GMPS: variants seen among roughly 807,000 people sequenced by gnomAD.
GMPS encodes the protein GMP synthase [glutamine-hydrolyzing].
Under a neutral mutation model 77.9 loss-of-function variants are expected in GMPS, and 15 were observed. The ratio of observed to expected loss-of-function variants is 0.19; its 90% CI spans 0.13 to 0.30. The LOEUF is 0.30. Ranked by LOEUF, GMPS falls within the 10% of genes least tolerant of loss-of-function variation. GMPS has a pLI of 1.00. For synonymous variants in GMPS, 224 were observed against 275.9 expected, an observed-to-expected ratio of 0.81 and a Z score of 1.86; for missense variants, 590 against 838.8, an observed-to-expected ratio of 0.70 and a Z score of 3.66.
At chr3:155,899,612 T>C (rs1029191236) in intron 3 of GMPS, among the ~76,000 whole-genome samples, 1 of 152,204 alleles carries the variant, frequency 6.6e-6, no homozygotes. Context: ...CAACACATCA[T>C]TATTCCCAAA....
rs962235416 is a variant in GMPS, at chr3:155,939,734, G to A, written c.*2042G>A. On this transcript the variant is annotated 3_prime_UTR_variant, in exon 16 of 16. Transcript: ENST00000496455. ...CCAAAGCACATCTTGACATGACATAGTTTCTTAAAAATCCAAATTTTCTGG... is the reference window on the plus strand; with the variant it reads ...CCAAAGCACATCTTGACATGACATAATTTCTTAAAAATCCAAATTTTCTGG... The A allele has an allele frequency of 1.5e-5, 3 of 194,364 alleles. No individual in the cohort carries two copies. Among genetic ancestry groups the A allele is most frequent in the Non-Finnish European group, 3.2e-5 (3 of 93,392 alleles). The allele number at this position is 194,364 out of a possible 1,614,324, so 12.0% of individuals were successfully genotyped here. A position where few individuals can be genotyped will look rare whatever the true frequency, so the allele number is the denominator to read the frequency against.
intron 12 of GMPS, among the ~76,000 whole-genome samples, chr3:155,930,051 A>G (rs1365323818): frequency 2.0e-5 from 3 of 148,048 alleles, no homozygotes; most frequent in Non-Finnish European, 3.0e-5. Flanking sequence ...CGCATCGCCA[A>G]GTCAATCCTA....
Position 155,936,327 on chromosome 3 carries a change from C to T in GMPS, c.1808-11C>T. 3 of 1,584,472 alleles carry T rather than the reference C, an allele frequency of 1.9e-6. No individual in the cohort carries two copies. The highest frequency in any genetic ancestry group is 1.1e-5 in the South Asian group (1 of 90,476). On this transcript the variant is annotated splice_polypyrimidine_tract_variant and intron_variant, in intron 14 of 15. Coordinates refer to ENST00000496455, the MANE Select transcript of GMPS (RefSeq NM_003875.3). ...GGTGTGGTGATTGGTTCTACATATA[C>T]CTTTCTCTAGGGTATGCTGGGAAAA...
In GMPS at chr3:155,916,473, T is replaced by C. The variant is rs115879845; in HGVS notation, c.1212+281T>C. ...ACCACTAATTTATTTTCTGTCTCTATAGATTTGCTTATTTTGGGCATTTTA... is the reference window on the plus strand; with the variant it reads ...ACCACTAATTTATTTTCTGTCTCTACAGATTTGCTTATTTTGGGCATTTTA... On this transcript the variant is annotated intron_variant, in intron 9 of 15. Coordinates refer to ENST00000496455, the MANE Select transcript of GMPS (RefSeq NM_003875.3). 6.4e-3 allele frequency among the ~76,000 whole-genome samples: 970 copies of C among 152,280 alleles called. 15 individuals carry two copies. The highest frequency in any genetic ancestry group is 0.023 in the African/African-American group (939 of 41,554).
chr3:155,900,550 T>G (rs974616767), intron 3 of GMPS, among the ~76,000 whole-genome samples: 1 of 152,298 alleles, frequency 6.6e-6, no homozygotes, highest in East Asian at 1.9e-4. Context: ...TTTTAAGGCC[T>G]ACTTATAGTG....
intron 3 of GMPS, among the ~76,000 whole-genome samples, chr3:155,902,020 CT>C (rs1478292789): frequency 6.6e-6 from 1 of 152,062 alleles, no homozygotes; most frequent in African/African-American, 2.4e-5. Context: ...ACTTATAAAA[CT>C]TTGACATATA....
chr3:155,913,450 G>A (rs1014434226), intron 7 of GMPS, among the ~76,000 whole-genome samples: 4 of 151,996 alleles, frequency 2.6e-5, no homozygotes, highest in East Asian at 3.9e-4. Flanking sequence ...CTTCTTTGGG[G>A]CTAAGCTTCT....
At chr3:155,896,372 T>A (rs1033097264) in intron 2 of GMPS, among the ~76,000 whole-genome samples, 9 of 152,174 alleles carry the variant, frequency 5.9e-5, no homozygotes, top group Non-Finnish European at 1.2e-4. Context: ...CCCATCCCCC[T>A]TTAGAATTGT....
At chr3:155,903,596 A>C (rs944856295) in intron 3 of GMPS, among the ~76,000 whole-genome samples, 2 of 152,262 alleles carry the variant, frequency 1.3e-5, no homozygotes, top group African/African-American at 4.8e-5. Context: ...ATTAAAGTAC[A>C]CTAAGTGGAA....
At chr3:155,901,587 A>G (rs1229795033) in intron 3 of GMPS, among the ~76,000 whole-genome samples, 1 of 151,934 alleles carries the variant, frequency 6.6e-6, no homozygotes, top group Non-Finnish European at 1.5e-5. Context: ...CCCTCAGTTT[A>G]TGTTCCCACA....
At chr3:155,877,089 A>C (rs1244927131) in intron 1 of GMPS, among the ~76,000 whole-genome samples, 3 of 152,224 alleles carry the variant, frequency 2.0e-5, no homozygotes, top group African/African-American at 7.2e-5. Flanking sequence ...AACGAGTCTC[A>C]GTAATTCTTC....
chr3:155,905,056 C>T (rs967833235), intron 4 of GMPS, among the ~76,000 whole-genome samples: 9 of 151,446 alleles, frequency 5.9e-5, no homozygotes, highest in African/African-American at 1.9e-4. Flanking sequence ...CTCACTCTGT[C>T]GCACGCCCAG....
chr3:155,929,652 C>G (rs1335485215), intron 12 of GMPS, among the ~76,000 whole-genome samples: 1 of 139,268 alleles, frequency 7.2e-6, no homozygotes, highest in Non-Finnish European at 1.6e-5. Context: ...AGCTGATAAG[C>G]AACTTCAGCA....
chr3:155,885,803 C>T (rs1754321389), intron 1 of GMPS, among the ~76,000 whole-genome samples: 1 of 152,128 alleles, frequency 6.6e-6, no homozygotes, highest in Non-Finnish European at 1.5e-5. Context: ...GTACTACTTA[C>T]ACATAGGGTT....
chr3:155,933,918 A>G (rs948426242), intron 13 of GMPS, among the ~76,000 whole-genome samples: 1 of 152,166 alleles, frequency 6.6e-6, no homozygotes, highest in African/African-American at 2.4e-5. Flanking sequence ...ACTCTCATTA[A>G]CTCAAGATAT....
chr3:155,917,088 C>T (rs1755199292), intron 9 of GMPS, among the ~76,000 whole-genome samples: 1 of 152,058 alleles, frequency 6.6e-6, no homozygotes, highest in Admixed American at 6.6e-5. Context: ...ATTCTGCTGC[C>T]TCAGCCTCTC....
chr3:155,876,877 A>AC (rs2108047517), intron 1 of GMPS, among the ~76,000 whole-genome samples: 1 of 152,332 alleles, frequency 6.6e-6, no homozygotes, highest in South Asian at 2.1e-4. Flanking sequence ...GCAGCACTGA[A>AC]CCTGACCCTA....
Position 155,939,963 on chromosome 3 carries a change from G to C in GMPS, c.*2271G>C, listed in dbSNP as rs1040859321. ...TAATTAATTTCAGAATTAAATTTCA[G>C]GTTTCCTTAGTCCAGATTGTCCTGA... is the stretch of plus-strand genomic sequence containing the variant. On this transcript the variant is annotated 3_prime_UTR_variant, in exon 16 of 16. Transcript: ENST00000496455. 4.9e-6 allele frequency: 1 copy of C among 203,266 alleles called. No individual in the cohort carries two copies. The highest frequency in any genetic ancestry group is 1.0e-5 in the Non-Finnish European group (1 of 99,246). The allele number at this position is 203,266 out of a possible 1,614,324, so 12.6% of individuals were successfully genotyped here.
chr3:155,913,297 A>G (rs1389167776), intron 7 of GMPS, among the ~76,000 whole-genome samples: 1 of 152,236 alleles, frequency 6.6e-6, no homozygotes, highest in Non-Finnish European at 1.5e-5. Flanking sequence ...TTTTATTAGC[A>G]AATAGAGATC....
Sources: allele counts gnomAD v4.1 joint callset (sites outside exome capture counted in the v4.1 genomes callset), GRCh38; gene constraint gnomAD v4.1.1; transcripts MANE v1.5; gene names NCBI Gene and HGNC (gene_info 2026-07-23, HGNC 2026-07-21).